Variants in XPC observed in about 807,000 individuals in gnomAD.
The protein encoded by XPC is XPC complex subunit, DNA damage recognition and repair factor, also known as DNA repair protein complementing XP-C cells.
A neutral mutation model predicts 95.8 loss-of-function variants in XPC; 76 were observed. That is an observed-to-expected ratio of 0.79 (90% CI 0.66 to 0.96). The LOEUF (loss-of-function observed/expected upper bound fraction) is 0.96. XPC is among the 40% of genes least tolerant of loss of function. The probability of loss-of-function intolerance (pLI) is 0.00; values close to 1 mark genes in which losing one functional copy is unlikely to be tolerated. For missense variants in XPC, 1,146 were observed against 1,179.8 expected, an observed-to-expected ratio of 0.97 and a Z score of 0.42; for synonymous variants, 442 against 442.1, an observed-to-expected ratio of 1.00 and a Z score of 0.00.
At chr3:14,159,027 G>A in intron 8 of XPC, 135 bp from the exon 9 acceptor site, 2 of 1,149,544 alleles carry the variant, frequency 1.7e-6, no homozygotes, top group Non-Finnish European at 2.5e-6. Flanking sequence ...AGCTCAGACA[G>A]TGATCAACCA....
chr3:14,168,126 T>A, intron 4 of XPC, 131 bp downstream of exon 4: 1 of 1,289,362 alleles, frequency 7.8e-7, no homozygotes, highest in African/African-American at 1.5e-5. Flanking sequence ...TAAATCAGGT[T>A]CCTGACCCAA....
intron 10 of XPC, chr3:14,153,176 C>G (rs992996945): frequency 6.6e-6 from 1 of 152,244 alleles, no homozygotes; most frequent in African/African-American, 2.4e-5. Flanking sequence ...AGACCCTTAC[C>G]CACAGAGGAA....
In XPC at chr3:14,160,429, T is replaced by C. The variant is rs185042542; in HGVS notation, c.901-599A>G. 6.6e-5 allele frequency among the ~76,000 whole-genome samples: 10 copies of C among 152,290 alleles called. No homozygotes were observed. The East Asian group carries it at 1.9e-3, about 29-fold the overall frequency. ...GGGGACTTAACTCCAATGGCAACAG[T>C]GATAATGTACTCGGCCAAGGCCTTC... is the stretch of plus-strand genomic sequence containing the variant. On this transcript the variant is annotated intron_variant, in intron 7 of 15. Coordinates refer to ENST00000285021, the MANE Select transcript of XPC (RefSeq NM_004628.5).
intron 15 of XPC, 84 bp downstream of exon 15, chr3:14,147,206 C>G: frequency 2.1e-6 from 3 of 1,398,576 alleles, no homozygotes; most frequent in Non-Finnish European, 3.0e-6. Flanking sequence ...GAGGCTGGGG[C>G]AGAATCTGGG....
Position 14,158,453 on chromosome 3 carries a change from T to G in XPC, c.1430A>C (p.Lys477Thr), listed in dbSNP as rs1210849606. The part of the protein sequence containing the change: ...QRKAPAPQRT[K>T]AGSKSASRTH... ...CCTGGAGGCACTCTTGGACCCAGCC[T>G]TTGTCCTCTGAGGAGCGGGGGCTTT... is the stretch of plus-strand genomic sequence containing the variant. Residue 477 changes from lysine (K) to threonine (T), a missense_variant, in exon 9 of 16, where the codon AAG becomes ACG. Lys to Thr is a moderately conservative substitution (Grantham distance 78, BLOSUM62 -1). Transcript: ENST00000285021. This position sits in a 1 kb window ranked among gnomAD's most constrained non-coding sequence, Gnocchi z 5.2. 1 of 1,613,436 alleles carries G rather than the reference T, an allele frequency of 6.2e-7. No homozygotes were observed. Among genetic ancestry groups the G allele is most frequent in the African/African-American group, 1.3e-5 (1 of 74,846 alleles).
intron 3 of XPC, 144 bp downstream of exon 3, chr3:14,170,294 C>T (rs913162631): frequency 1.7e-5 from 12 of 696,660 alleles, no homozygotes; most frequent in Non-Finnish European, 2.8e-5. Context: ...TATATCAAAG[C>T]AAGTCCCTAG....
chr3:14,146,260 G>T, intron 15 of XPC, 101 bp from the exon 16 acceptor site: 1 of 1,112,548 alleles, frequency 9.0e-7, no homozygotes, highest in Non-Finnish European at 1.3e-6. Flanking sequence ...GCCCTAAGCT[G>T]TGTAACTCTG....
intron 3 of XPC, among the ~76,000 whole-genome samples, chr3:14,168,857 C>CA (rs1221790326): frequency 6.6e-6 from 1 of 152,164 alleles, no homozygotes; most frequent in Admixed American, 6.5e-5. Context: ...TTGTAAGTGA[C>CA]AAAAAATATA....
At chr3:14,149,054 CAGA>C in intron 11 of XPC, 106 bp from the exon 12 acceptor site, 1 of 1,476,982 alleles carries the variant, frequency 6.8e-7, no homozygotes, top group Non-Finnish European at 9.2e-7. Context: ...GGTGAACCCT[CAGA>C]ACACACCTAC....
chr3:14,159,964 C>T (rs1253370411), intron 7 of XPC, 134 bp from the exon 8 acceptor site: 60 of 764,844 alleles, frequency 7.8e-5, no homozygotes, highest in Non-Finnish European at 1.2e-4. Context: ...CAGTAGGCGA[C>T]GGAAACTCCA....
chr3:14,165,390 A>G, intron 6 of XPC, 38 bp downstream of exon 6: 1 of 1,540,976 alleles, frequency 6.5e-7, no homozygotes, highest in Non-Finnish European at 8.8e-7. Context: ...CACAAATCCT[A>G]CACTCCCCAG....
intron 15 of XPC, 83 bp downstream of exon 15, chr3:14,147,207 A>C: frequency 7.1e-7 from 1 of 1,406,938 alleles, no homozygotes; most frequent in Non-Finnish European, 9.8e-7. Context: ...AGGCTGGGGC[A>C]GAATCTGGGC....
intron 1 of XPC, among the ~76,000 whole-genome samples, chr3:14,177,599 G>C (rs1696879837): frequency 6.6e-6 from 1 of 151,852 alleles, no homozygotes; most frequent in African/African-American, 2.4e-5. Flanking sequence ...AGGAGAGGTA[G>C]CAAGAGCCAA....
At chr3:14,154,729 G>A (rs1695831843) in intron 10 of XPC, among the ~76,000 whole-genome samples, 1 of 152,066 alleles carries the variant, frequency 6.6e-6, no homozygotes, top group Non-Finnish European at 1.5e-5. Flanking sequence ...ATGGCTGGAT[G>A]ACAGTGTGAA....
At chr3:14,164,755 G>C in intron 7 of XPC, 58 bp downstream of exon 7, 1 of 1,562,844 alleles carries the variant, frequency 6.4e-7, no homozygotes, top group South Asian at 1.2e-5. Context: ...GCACATGGCT[G>C]CCATTATCAT....
At position 14,145,184 on chromosome 3, in the gene XPC, A is replaced by G. The variant is rs1443927476; in HGVS notation, c.*757T>C. ...CTTTATTATTTTCTCAAAATGTTATAAAAGTCATTTCTCCTTAGTACAGAG... is the reference window on the plus strand; with the variant it reads ...CTTTATTATTTTCTCAAAATGTTATGAAAGTCATTTCTCCTTAGTACAGAG... On this transcript the variant is annotated 3_prime_UTR_variant, in exon 16 of 16. Coordinates refer to ENST00000285021, the MANE Select transcript of XPC (RefSeq NM_004628.5). 3 of 524,216 alleles carry G rather than the reference A, an allele frequency of 5.7e-6. No individual in the cohort carries two copies. The highest frequency in any genetic ancestry group is 3.0e-5 in the East Asian group (1 of 32,944). 32.5% of individuals were successfully genotyped at this position (524,216 alleles called of 1,614,324 possible).
In XPC at chr3:14,145,638, G is replaced by A; in HGVS notation, c.*303C>T. 1 of 699,400 alleles carries A rather than the reference G, an allele frequency of 1.4e-6. No individual in the cohort carries two copies. The highest frequency in any genetic ancestry group is 1.5e-5 in the South Asian group (1 of 66,666). The allele number at this position is 699,400 out of a possible 1,614,324, so 43.3% of individuals were successfully genotyped here. On this transcript the variant is annotated 3_prime_UTR_variant, in exon 16 of 16. Transcript: ENST00000285021. ...TCTAAAGATGGAAAGAACAGGTCTA[G>A]GAGGCAGAAGAGTATCTCCTAGCAA...
chr3:14,154,882 T>C (rs1695839700), intron 10 of XPC, among the ~76,000 whole-genome samples: 1 of 86,850 alleles, frequency 1.2e-5, no homozygotes, highest in Non-Finnish European at 2.3e-5. Context: ...AATTTATAAA[T>C]ATTTTACCAC....
At position 14,173,007 on chromosome 3, in the gene XPC, T is replaced by C; in HGVS notation, c.159A>G (p.Gln53=). The stretch of plus-strand genomic sequence containing the variant: ...GACTGCAGCCTCTTTTCCTCTTTCC[T>C]TGTGAAACTTTGGAGAGAAGGCTCT... ...PKKSLLSKVS[Q]GKRKRGCSHP... is the part of the protein sequence containing the mutation. The change falls in exon 2 of 16, where the codon CAA becomes CAG. Residue 53 remains glutamine, a synonymous_variant. Transcript: ENST00000285021. The C allele has an allele frequency of 6.2e-7, 1 of 1,610,542 alleles. No individual in the cohort carries two copies. The highest frequency in any genetic ancestry group is 8.5e-7 in the Non-Finnish European group (1 of 1,178,522).
Sources: gnomAD v4.1 joint callset for allele counts (sites outside exome capture counted in the v4.1 genomes callset) on GRCh38, gnomAD v4.1.1 for gene constraint, Gnocchi (gnomAD v3.1) non-coding constraint, MANE v1.5 for transcripts, NCBI Gene and HGNC (gene_info 2026-07-23, HGNC 2026-07-21) for gene names.